The following CACNA2D2 variants were observed in gnomAD, a reference collection of about 807,000 sequenced individuals.
CACNA2D2 encodes calcium voltage-gated channel auxiliary subunit alpha2delta 2.
Under a neutral mutation model 166.4 loss-of-function variants are expected in CACNA2D2, and 48 were observed. That is an observed-to-expected ratio of 0.29 (90% CI 0.23 to 0.37). The LOEUF (loss-of-function observed/expected upper bound fraction) is 0.37, where lower values mean the gene tolerates loss of function less well. Among genes scored for constraint, CACNA2D2 ranks in the 10% least tolerant of loss-of-function variants. The pLI, the probability that CACNA2D2 is intolerant of heterozygous loss-of-function variation, is 1.00. For synonymous variants in CACNA2D2, 561 were observed against 573.7 expected (o/e 0.98, Z 0.32); for missense variants, 1,122 against 1,433.0 (o/e 0.78, Z 3.50).
intron 1 of CACNA2D2, among the ~76,000 whole-genome samples, chr3:50,499,254 A>T (rs1181502638): frequency 6.6e-6 from 1 of 152,210 alleles, no homozygotes; most frequent in East Asian, 1.9e-4. Flanking sequence ...AGAAAAGAGC[A>T]CAGTCATGGC....
intron 5 of CACNA2D2, among the ~76,000 whole-genome samples, chr3:50,387,230 C>T (rs1407648439): frequency 1.3e-5 from 2 of 152,182 alleles, no homozygotes; most frequent in Non-Finnish European, 2.9e-5. Flanking sequence ...CACCTGCCCA[C>T]CTCCAGGAAG....
intron 3 of CACNA2D2, among the ~76,000 whole-genome samples, chr3:50,430,140 G>A (rs1421281736): frequency 4.6e-5 from 7 of 152,178 alleles, no homozygotes; most frequent in Non-Finnish European, 7.4e-5. Flanking sequence ...GGGCCTCCCG[G>A]AAAGCAGGTT....
chr3:50,363,336 C>G lies in CACNA2D2; in HGVS notation c.*1330G>C. The G allele has an allele frequency of 2.5e-6, 1 of 398,658 alleles. No homozygotes were observed. The allele number at this position is 398,658 out of a possible 1,614,324, so 24.7% of individuals were successfully genotyped here. A position where few individuals can be genotyped will look rare whatever the true frequency, so the allele number is the denominator to read the frequency against. On this transcript the variant is annotated 3_prime_UTR_variant, in exon 38 of 38. Transcript: ENST00000424201. ...CATTAATTAATGCATCACCCTCCCC[C>G]TCCTCCCAGTCCATCTGAGCCCCAT... is the stretch of plus-strand genomic sequence containing the variant.
At chr3:50,448,266 C>T (rs1446081874) in intron 2 of CACNA2D2, among the ~76,000 whole-genome samples, 1 of 152,176 alleles carries the variant, frequency 6.6e-6, no homozygotes, top group East Asian at 1.9e-4. Flanking sequence ...TATAGTATTA[C>T]GCTTTGTGGA....
At chr3:50,399,064 T>G (rs548922460) in intron 3 of CACNA2D2, among the ~76,000 whole-genome samples, 1 of 152,126 alleles carries the variant, frequency 6.6e-6, no homozygotes, top group Non-Finnish European at 1.5e-5. Flanking sequence ...ACACCTGGGA[T>G]AGGAAGGCCC....
Position 50,379,030 on chromosome 3 carries a change from G to A in CACNA2D2, c.1261-37C>T, listed in dbSNP as rs1482404365. ...TTGAGGTTACTGCTGTGGCCACCAG[G>A]GGACAGCCCTCTTCTGTACTGGGCC... On this transcript the variant is annotated intron_variant, in intron 12 of 37. Transcript: ENST00000424201. The surrounding 1 kb of genome is among the most constrained non-coding windows in gnomAD (Gnocchi z 6.5). The A allele has an allele frequency of 6.2e-7, 1 of 1,613,804 alleles. No individual in the cohort carries two copies. Among genetic ancestry groups the A allele is most frequent in the South Asian group, 1.1e-5 (1 of 91,078 alleles).
chr3:50,402,129 C>T (rs918494773), intron 3 of CACNA2D2, among the ~76,000 whole-genome samples: 53 of 152,280 alleles, frequency 3.5e-4, no homozygotes, highest in African/African-American at 1.3e-3. Context: ...GCTTTCATTG[C>T]TTTTTTGCTT....
At position 50,381,738 on chromosome 3, in the gene CACNA2D2, AC is replaced by A. The variant is rs587725514; in HGVS notation, c.653-613del. On this transcript the variant is annotated intron_variant, in intron 6 of 37. Transcript: ENST00000424201. ...TTGTACACGCATGCGCACACTGCAC[AC>A]CCCCCAACAGGTATACCTGTGTCTA... 7.7e-3 allele frequency among the ~76,000 whole-genome samples: 1,175 copies of A among 151,772 alleles called. 8 individuals carry two copies. The highest frequency in any genetic ancestry group is 0.013 in the South Asian group (60 of 4,796).
chr3:50,365,365 T>C lies in CACNA2D2; in HGVS notation c.3089A>G (p.Asn1030Ser). 1 of 1,613,232 alleles carries C rather than the reference T, an allele frequency of 6.2e-7. No homozygotes were observed. The highest frequency in any genetic ancestry group is 8.5e-7 in the Non-Finnish European group (1 of 1,179,716). ...GCCCCACTGCCAGCACCTGGAGCAGTTTCCGCAGTCGATGATGGCGTTGTA... is the reference window on the plus strand; with the variant it reads ...GCCCCACTGCCAGCACCTGGAGCAGCTTCCGCAGTCGATGATGGCGTTGTA... ...ASYNAIIDCG[N>S]CSRLFHAQRL... is the part of the protein sequence containing the mutation. The change falls in exon 35 of 38, where the codon AAC becomes AGC. Residue 1030 changes from asparagine to serine, a missense_variant. Physicochemically the swap from Asn to Ser is conservative, Grantham distance 46. Coordinates refer to ENST00000424201, the MANE Select transcript of CACNA2D2 (RefSeq NM_006030.4). This position sits in a 1 kb window ranked among gnomAD's most constrained non-coding sequence, Gnocchi z 4.5.
chr3:50,504,113 G>A (rs1165757492), upstream of CACNA2D2: 2 of 152,302 alleles, frequency 1.3e-5, no homozygotes, highest in Non-Finnish European at 1.5e-5. Flanking sequence ...CTCTGTCGGG[G>A]GCTTGCACGC....
intron 2 of CACNA2D2, among the ~76,000 whole-genome samples, chr3:50,445,216 T>C (rs372867782): frequency 1.2e-4 from 18 of 152,218 alleles, no homozygotes; most frequent in Admixed American, 1.3e-4. Flanking sequence ...GAACACACCA[T>C]TGGAAGGGCT....
intron 2 of CACNA2D2, among the ~76,000 whole-genome samples, chr3:50,446,057 C>T (rs1408949850): frequency 6.6e-6 from 1 of 152,262 alleles, no homozygotes; most frequent in African/African-American, 2.4e-5. Context: ...ACTGTGCAAA[C>T]AGGACTGATG....
chr3:50,503,681 C>T (rs544036346), upstream of CACNA2D2: 17 of 154,798 alleles, frequency 1.1e-4, 1 homozygote, highest in South Asian at 3.2e-3. Flanking sequence ...CGCCGCCAAC[C>T]TGCCGGCACC....
At chr3:50,488,567 T>C (rs2107146561) in intron 1 of CACNA2D2, among the ~76,000 whole-genome samples, 1 of 151,762 alleles carries the variant, frequency 6.6e-6, no homozygotes, top group Non-Finnish European at 1.5e-5. Context: ...GATATTGTTA[T>C]TACCCACCCC....
chr3:50,425,963 C>T (rs751547772), intron 3 of CACNA2D2, among the ~76,000 whole-genome samples: 2 of 152,206 alleles, frequency 1.3e-5, no homozygotes, highest in East Asian at 3.9e-4. Flanking sequence ...CAGCTGCTCC[C>T]CAGCAACCCC....
At chr3:50,494,875 C>T (rs1369824436) in intron 1 of CACNA2D2, among the ~76,000 whole-genome samples, 1 of 152,008 alleles carries the variant, frequency 6.6e-6, no homozygotes, top group East Asian at 1.9e-4. Flanking sequence ...GGGGTTTTGC[C>T]ATGTTGCCCA....
intron 2 of CACNA2D2, among the ~76,000 whole-genome samples, chr3:50,461,016 C>T (rs954100754): frequency 6.6e-6 from 1 of 151,942 alleles, no homozygotes; most frequent in East Asian, 1.9e-4. Flanking sequence ...GTTAAGGTTT[C>T]TAGAAAGAAC....
At chr3:50,431,979 T>TC (rs1708085163) in intron 3 of CACNA2D2, among the ~76,000 whole-genome samples, 1 of 59,358 alleles carries the variant, frequency 1.7e-5, no homozygotes, top group South Asian at 4.4e-4. Flanking sequence ...AGTGTCTGTC[T>TC]CAAAAAAAAA....
chr3:50,394,246 C>T, intron 3 of CACNA2D2, 78 bp from the exon 4 acceptor site: 1 of 1,184,558 alleles, frequency 8.4e-7, no homozygotes, highest in Non-Finnish European at 1.3e-6. Flanking sequence ...CTCTCCATCC[C>T]CAGCACTCCC....
Sources: gnomAD v4.1 joint callset for allele counts (sites outside exome capture counted in the v4.1 genomes callset) on GRCh38, gnomAD v4.1.1 for gene constraint, Gnocchi (gnomAD v3.1) non-coding constraint, MANE v1.5 for transcripts, NCBI Gene and HGNC (gene_info 2026-07-23, HGNC 2026-07-21) for gene names.